Variants in PCM1 observed in about 807,000 individuals in gnomAD.
PCM1 encodes pericentriolar material 1.
In PCM1, 157 loss-of-function variants were observed where a neutral mutation model predicts 241.9. That is an observed-to-expected ratio of 0.65 (90% CI 0.57 to 0.74). The LOEUF is 0.74. PCM1 is among the 30% of genes least tolerant of loss of function. The pLI is 0.00. For synonymous variants in PCM1, 1,085 were observed against 784.9 expected, an observed-to-expected ratio of 1.38 and a Z score of -6.39; for missense variants, 3,478 against 2,360.1, an observed-to-expected ratio of 1.47 and a Z score of -9.81.
intron 2 of PCM1, among the ~76,000 whole-genome samples, chr8:17,935,070 C>G (rs1438515364): frequency 6.6e-6 from 1 of 152,188 alleles, no homozygotes; most frequent in Non-Finnish European, 1.5e-5. Flanking sequence ...CTTTCCCTAC[C>G]TTCTTATCAT....
Position 17,972,607 on chromosome 8 carries a change from T to C in PCM1, c.3863T>C (p.Leu1288Pro). The C allele has an allele frequency of 6.3e-7, 1 of 1,594,452 alleles. No homozygotes were observed. The highest frequency in any genetic ancestry group is 1.8e-5 in the Admixed American group (1 of 55,094). ...KTRKASAQAS[L>P]ASKDKTPKSK... ...AGAAAAGCGTCTGCACAGGCCAGCCTGGCATCTAAAGATAAAACTCCCAAG... is the reference window on the plus strand; with the variant it reads ...AGAAAAGCGTCTGCACAGGCCAGCCCGGCATCTAAAGATAAAACTCCCAAG... Residue 1288 changes from leucine to proline, a missense_variant, in exon 23 of 39, where the codon CTG becomes CCG. By Grantham distance (98) the Leu-to-Pro change is moderately conservative (BLOSUM62 -3). Transcript: ENST00000325083.
chr8:17,928,529 G>C (rs1465371246), intron 2 of PCM1, among the ~76,000 whole-genome samples: 1 of 147,758 alleles, frequency 6.8e-6, no homozygotes, highest in Admixed American at 6.8e-5. Context: ...TTTGTCTTTT[G>C]CTCTAGACCC....
chr8:18,021,742 G>C lies in PCM1; in HGVS notation c.5842-3619G>C, dbSNP rs536938028. Among the ~76,000 whole-genome samples, 111 of 152,216 alleles carry C rather than the reference G, an allele frequency of 7.3e-4. 4 individuals carry two copies. The South Asian group carries it at 0.022, about 30-fold the overall frequency. On this transcript the variant is annotated intron_variant, in intron 36 of 38. Transcript: ENST00000325083. ...CTAAATTGTCAGCTGGATTACCTTG[G>C]CCAAAAATTTTACCACTAGCCCTAA...
chr8:17,956,256 A>G (rs548717589), intron 10 of PCM1, among the ~76,000 whole-genome samples: 101 of 152,316 alleles, frequency 6.6e-4, no homozygotes, highest in Non-Finnish European at 1.3e-3. Flanking sequence ...GAGAGGTAGT[A>G]TTTAGTAGTA....
chr8:17,971,863 C>A (rs966996375), intron 22 of PCM1, among the ~76,000 whole-genome samples: 4 of 152,188 alleles, frequency 2.6e-5, no homozygotes, highest in African/African-American at 9.7e-5. Flanking sequence ...CCTGCCTCAG[C>A]CCCCTGAGTG....
chr8:17,983,190 A>C, intron 24 of PCM1: 6 of 1,076,716 alleles, frequency 5.6e-6, no homozygotes, highest in Non-Finnish European at 7.5e-6. Flanking sequence ...TTTACTACTC[A>C]TACACATTTT....
intron 2 of PCM1, among the ~76,000 whole-genome samples, chr8:17,929,033 T>A (rs1182085597): frequency 9.2e-5 from 14 of 152,192 alleles, no homozygotes; most frequent in Admixed American, 9.2e-4. Flanking sequence ...CATCATAGGC[T>A]GATTCCTTAA....
chr8:17,963,476 C>G (rs116237203), intron 17 of PCM1, among the ~76,000 whole-genome samples, 185 bp downstream of exon 17: 1 of 152,162 alleles, frequency 6.6e-6, no homozygotes, highest in African/African-American at 2.4e-5. Flanking sequence ...TCTGACTTCT[C>G]GTAGCATCAG....
chr8:18,017,644 G>A (rs1352482293), intron 36 of PCM1, among the ~76,000 whole-genome samples: 1 of 152,064 alleles, frequency 6.6e-6, no homozygotes, highest in African/African-American at 2.4e-5. Context: ...ACCTGAGGTC[G>A]GGAGTTCAAG....
At chr8:17,969,472 T>C in intron 21 of PCM1, 105 bp from the exon 22 acceptor site, 1 of 828,356 alleles carries the variant, frequency 1.2e-6, no homozygotes. Context: ...GTTTTTTGTT[T>C]TGGTGGATTT....
chr8:17,943,442 T>A (rs1213249151), intron 6 of PCM1, among the ~76,000 whole-genome samples: 1 of 152,192 alleles, frequency 6.6e-6, no homozygotes, highest in East Asian at 1.9e-4. Context: ...AGGTAACCAT[T>A]GGAATTTTAT....
chr8:17,950,631 A>G lies in PCM1; in HGVS notation c.978A>G (p.Ala326=), dbSNP rs778056682. ...TCTTTCCAGTTGTTGCAGAAACTGC[A>G]GGTAGCTTATCTGGCGTCAGTATCA... The part of the protein sequence containing the change: ...VMDDSVVAET[A]GSLSGVSITS... Residue 326 remains alanine, a synonymous_variant, in exon 8 of 39, where the codon GCA becomes GCG. Transcript: ENST00000325083. 1.3e-6 allele frequency: 2 copies of G among 1,593,280 alleles called. No homozygotes were observed. The highest frequency in any genetic ancestry group is 2.2e-5 in the East Asian group (1 of 44,644).
intron 23 of PCM1, among the ~76,000 whole-genome samples, chr8:17,979,541 C>CA (rs2079971199): frequency 6.6e-6 from 1 of 152,064 alleles, no homozygotes; most frequent in Non-Finnish European, 1.5e-5. Context: ...TAGTAGTACT[C>CA]TAAGTGTTTG....
Position 18,011,353 on chromosome 8 carries a change from T to G in PCM1, c.5337T>G (p.Cys1779Trp). The G allele has an allele frequency of 1.3e-6, 2 of 1,596,700 alleles. No homozygotes were observed. Among genetic ancestry groups the G allele is most frequent in the East Asian group, 2.2e-5 (1 of 44,498 alleles). ...AGGAAGATGAAGAAAGTGAAGGATG[T>G]CCAGTGTCTATTAGTAAGTTTAAAG... is the stretch of plus-strand genomic sequence containing the variant. ...DQEEDEESEG[C>W]PVSINLSKAE... The change falls in exon 33 of 39, where the codon TGT becomes TGG. Residue 1779 changes from cysteine to tryptophan, a missense_variant. Transcript: ENST00000325083.
Position 18,025,438 on chromosome 8 carries a change from G to T in PCM1, c.5919G>T (p.Leu1973=). The T allele has an allele frequency of 1.3e-6, 2 of 1,590,600 alleles. No individual in the cohort carries two copies. The highest frequency in any genetic ancestry group is 2.3e-5 in the South Asian group (2 of 88,748). ...FVKVEDLPLK[L]TIYSEADLRK... ...AAGTTGAAGATTTACCACTGAAACT[G>T]ACAATATATTCAGAGGTATTTAGCT... The change falls in exon 37 of 39, where the codon CTG becomes CTT. Residue 1973 remains leucine (L), a synonymous_variant. Transcript: ENST00000325083.
Position 18,019,511 on chromosome 8 carries a change from G to A in PCM1, c.5841+4671G>A, listed in dbSNP as rs112910452. On this transcript the variant is annotated intron_variant, in intron 36 of 38. Coordinates refer to ENST00000325083, the MANE Select transcript of PCM1 (RefSeq NM_006197.4). ...TCACCACAATGCAGAATCAGTGGGA[G>A]ACCTGAGCTTGTCTTCCTGAAACTA... Among the ~76,000 whole-genome samples the A allele has an allele frequency of 2.6e-5, 4 of 152,274 alleles. 1 individual carries two copies. The highest frequency in any genetic ancestry group is 7.2e-5 in the African/African-American group (3 of 41,556).
At chr8:18,025,063 CAA>C (rs901614213) in intron 36 of PCM1, 1 of 244,624 alleles carries the variant, frequency 4.1e-6, no homozygotes, top group East Asian at 9.3e-5. Context: ...TATGAAAAAA[CAA>C]GAGTTGTCTT....
intron 13 of PCM1, 36 bp downstream of exon 13, chr8:17,957,811 C>G (rs759583304): frequency 1.5e-6 from 2 of 1,372,176 alleles, no homozygotes; most frequent in Admixed American, 1.7e-5. Context: ...ACCTATTTGT[C>G]AAATAGTACA....
chr8:17,978,403 C>A (rs962448866), intron 23 of PCM1, among the ~76,000 whole-genome samples: 2 of 152,010 alleles, frequency 1.3e-5, no homozygotes, highest in African/African-American at 4.8e-5. Flanking sequence ...GGGAAACACA[C>A]AAACACCTAT....
Sources: gnomAD v4.1 joint callset for allele counts (sites outside exome capture counted in the v4.1 genomes callset) on GRCh38, gnomAD v4.1.1 for gene constraint, MANE v1.5 for transcripts, NCBI Gene and HGNC (gene_info 2026-07-23, HGNC 2026-07-21) for gene names.